The following MITF variants were observed in gnomAD, a reference collection of about 807,000 sequenced individuals.
MITF encodes microphthalmia-associated transcription factor.
A neutral mutation model predicts 60.5 loss-of-function variants in MITF; 17 were observed. The observed-to-expected ratio is 0.28, with a 90% CI of 0.19 to 0.42. The LOEUF is 0.42. Ranked by LOEUF, MITF falls within the 10% of genes least tolerant of loss-of-function variation. The pLI is 1.00. For missense variants in MITF, 622 were observed against 683.5 expected (o/e 0.91, Z 1.00); for synonymous variants, 260 against 248.5 (o/e 1.05, Z -0.43).
At chr3:69,758,506 G>C (rs968259501) in intron 1 of MITF, among the ~76,000 whole-genome samples, 1 of 152,064 alleles carries the variant, frequency 6.6e-6, no homozygotes, top group African/African-American at 2.4e-5. Flanking sequence ...ACTGAAGATG[G>C]CCTTTAGCTA....
At chr3:69,921,837 G>A (rs1294594601) in intron 2 of MITF, among the ~76,000 whole-genome samples, 1 of 152,146 alleles carries the variant, frequency 6.6e-6, no homozygotes, top group African/African-American at 2.4e-5. Context: ...CTACACTGTG[G>A]CATTATTAAC....
Position 69,965,148 on chromosome 3 carries a change from G to A in MITF, c.1481G>A (p.Gly494Asp), listed in dbSNP as rs1200556656. 6.2e-7 allele frequency: 1 copy of A among 1,614,094 alleles called. No individual in the cohort carries two copies. The change falls in exon 10 of 10, where the codon GGT becomes GAT. Residue 494 changes from glycine to aspartate, a missense_variant. Gly to Asp is a moderately conservative substitution (Grantham distance 94). This residue lies in a region of MITF where 224 missense variants were observed against 209.5 expected (regional missense o/e 1.07). Transcript: ENST00000352241. ...ATGGACGACACCCTTTCTCCCGTCG[G>A]TGTCACTGATCCACTCCTTTCCTCA... Reference protein sequence around the residue: ...ILMDDTLSPVGVTDPLLSSVS... With the variant: ...ILMDDTLSPVDVTDPLLSSVS...
At chr3:69,932,866 A>G (rs1464055706) in intron 2 of MITF, among the ~76,000 whole-genome samples, 1 of 152,140 alleles carries the variant, frequency 6.6e-6, no homozygotes, top group Admixed American at 6.6e-5. Flanking sequence ...ATGGATTGCC[A>G]TTTTTAAAAC....
chr3:69,828,246 C>T (rs1225704215), intron 1 of MITF, among the ~76,000 whole-genome samples: 2 of 152,120 alleles, frequency 1.3e-5, no homozygotes, highest in Non-Finnish European at 2.9e-5. Context: ...ATTATGTGTA[C>T]ATAGTTTCAA....
intron 1 of MITF, among the ~76,000 whole-genome samples, chr3:69,843,635 C>T (rs1022423656): frequency 6.6e-6 from 1 of 152,132 alleles, no homozygotes; most frequent in East Asian, 1.9e-4. Context: ...TGTACTTCTA[C>T]ACAACTTTGG....
At chr3:69,766,595 CAATG>C (rs2062300085) in intron 1 of MITF, among the ~76,000 whole-genome samples, 1 of 151,990 alleles carries the variant, frequency 6.6e-6, no homozygotes, top group Admixed American at 6.6e-5. Context: ...AATGTTGAAT[CAATG>C]AATGAGTGAA....
At chr3:69,817,612 G>A (rs568222643) in intron 1 of MITF, among the ~76,000 whole-genome samples, 9 of 152,064 alleles carry the variant, frequency 5.9e-5, no homozygotes, top group South Asian at 2.1e-4. Context: ...GGGAGAGCAG[G>A]CAAGAATTCA....
intron 2 of MITF, among the ~76,000 whole-genome samples, chr3:69,886,631 A>G (rs1345699518): frequency 6.6e-6 from 1 of 152,112 alleles, no homozygotes; most frequent in Non-Finnish European, 1.5e-5. Flanking sequence ...AGAAAGATAC[A>G]TGAGCTTAAG....
chr3:69,827,681 C>T (rs2063377736), intron 1 of MITF, among the ~76,000 whole-genome samples: 1 of 152,126 alleles, frequency 6.6e-6, no homozygotes. Context: ...TAAACACTTC[C>T]ATTGAATCAG....
chr3:69,906,859 A>G (rs1452554521), intron 2 of MITF, among the ~76,000 whole-genome samples: 1 of 152,138 alleles, frequency 6.6e-6, no homozygotes, highest in East Asian at 1.9e-4. Flanking sequence ...TGTGAATGAA[A>G]ATAGGAGCTG....
At chr3:69,916,867 T>C (rs1222825310) in intron 2 of MITF, among the ~76,000 whole-genome samples, 2 of 152,216 alleles carry the variant, frequency 1.3e-5, no homozygotes, top group African/African-American at 4.8e-5. Context: ...AGTGATATTA[T>C]CATAAAATAA....
chr3:69,913,716 G>A (rs918107446), intron 2 of MITF, among the ~76,000 whole-genome samples: 3 of 152,162 alleles, frequency 2.0e-5, no homozygotes, highest in Non-Finnish European at 4.4e-5. Flanking sequence ...TTGCATGGGT[G>A]TGTAAACTAG....
chr3:69,774,815 C>A (rs1266640300), intron 1 of MITF, among the ~76,000 whole-genome samples: 1 of 152,148 alleles, frequency 6.6e-6, no homozygotes, highest in Non-Finnish European at 1.5e-5. Flanking sequence ...ATGTTAGCAC[C>A]TCAGCTGTCC....
intron 1 of MITF, among the ~76,000 whole-genome samples, chr3:69,848,207 T>A (rs1008959084): frequency 5.3e-5 from 8 of 152,216 alleles, no homozygotes; most frequent in African/African-American, 1.9e-4. Flanking sequence ...GCTTTTCAAG[T>A]GAGGGGAACA....
chr3:69,911,248 G>C (rs905754754), intron 2 of MITF, among the ~76,000 whole-genome samples: 8 of 152,152 alleles, frequency 5.3e-5, no homozygotes, highest in African/African-American at 1.9e-4. Flanking sequence ...GTGTGGAACT[G>C]TAAGTCCAAT....
chr3:69,812,308 T>G (rs112131556), intron 1 of MITF, among the ~76,000 whole-genome samples: 2 of 151,436 alleles, frequency 1.3e-5, no homozygotes, highest in African/African-American at 4.8e-5. Context: ...GAAAAAAAAA[T>G]AGATTATAGT....
At chr3:69,893,437 A>T (rs2064802171) in intron 2 of MITF, among the ~76,000 whole-genome samples, 1 of 152,078 alleles carries the variant, frequency 6.6e-6, no homozygotes, top group African/African-American at 2.4e-5. Context: ...CCTTGTTTGC[A>T]TAACAGAGAT....
At chr3:69,765,378 A>C (rs779211546) in intron 1 of MITF, among the ~76,000 whole-genome samples, 26 of 152,244 alleles carry the variant, frequency 1.7e-4, no homozygotes, top group Non-Finnish European at 3.5e-4. Flanking sequence ...GCAAACCAAC[A>C]TGAATTTGAA....
Position 69,745,736 on chromosome 3 carries a change from C to T in MITF, c.104+6035C>T, listed in dbSNP as rs544312649. ...GTTTAGAGGGAGCCCTGCTTAAGTG[C>T]TGTCTGTGGTCGCTGCTTTGCCACT... On this transcript the variant is annotated intron_variant, in intron 1 of 9. Coordinates refer to ENST00000352241, the MANE Select transcript of MITF (RefSeq NM_001354604.2). Among the ~76,000 whole-genome samples, 123 of 152,242 alleles carry T rather than the reference C, an allele frequency of 8.1e-4. 1 individual carries two copies. The highest frequency in any genetic ancestry group is 2.8e-3 in the African/African-American group (115 of 41,518).
Sources: gnomAD v4.1 joint callset for allele counts (sites outside exome capture counted in the v4.1 genomes callset) on GRCh38, gnomAD v4.1.1 for gene constraint, gnomAD v4.1.1 regional missense constraint, MANE v1.5 for transcripts, NCBI Gene and HGNC (gene_info 2026-07-23, HGNC 2026-07-21) for gene names.